The following DNAH14 variants were observed in gnomAD, a reference collection of about 807,000 sequenced individuals.
The protein encoded by DNAH14 is dynein axonemal heavy chain 14.
A neutral mutation model predicts 520.9 loss-of-function variants in DNAH14; 478 were observed. That is an observed-to-expected ratio of 0.92 (90% confidence interval 0.85 to 0.99). DNAH14 has a LOEUF of 0.99. Ranked by LOEUF, DNAH14 falls within the 50% of genes least tolerant of loss-of-function variation. DNAH14 has a pLI of 0.00. For missense variants in DNAH14, 4,831 were observed against 5,234.5 expected (o/e 0.92, Z 2.38); for synonymous variants, 1,581 against 1,757.2 (o/e 0.90, Z 2.51).
At chr1:225,360,349 C>T (rs2095479018) in intron 74 of DNAH14, among the ~76,000 whole-genome samples, 1 of 152,178 alleles carries the variant, frequency 6.6e-6, no homozygotes, top group Non-Finnish European at 1.5e-5. Flanking sequence ...AACCTAGATG[C>T]CCACAGAAGT....
Position 225,335,375 on chromosome 1 carries a change from GTGTA to G in DNAH14, c.10080+1871_10080+1874del, listed in dbSNP as rs1172285745. Among the ~76,000 whole-genome samples the G allele has an allele frequency of 8.1e-3, 677 of 83,174 alleles. 139 individuals are homozygous for G. In the East Asian group the frequency reaches 0.11, roughly 13 times the overall value. 54.6% of individuals were successfully genotyped at this position (83,174 alleles called of 152,430 possible). On this transcript the variant is annotated intron_variant, in intron 66 of 85. Transcript: ENST00000682510. ...TATGCATATACACGTGTACATGTGT[GTGTA>G]TATGCACATATACACATGTGTACAT...
rs534122908 is a variant in DNAH14, at chr1:225,081,190, T to C, written c.3136+442T>C. Among the ~76,000 whole-genome samples, 19 of 152,330 alleles carry C rather than the reference T, an allele frequency of 1.2e-4. 1 individual carries two copies. Among genetic ancestry groups the C allele is most frequent in the African/African-American group, 4.6e-4 (19 of 41,584 alleles). On this transcript the variant is annotated intron_variant, in intron 19 of 85. Coordinates refer to ENST00000682510, the MANE Select transcript of DNAH14 (RefSeq NM_001367479.1). ...TGCCAATGCAAAGATACTGTTTTTG[T>C]GAGAGCATTTCTATAAGATCAAATC...
At chr1:225,094,647 T>G (rs1179377105) in intron 21 of DNAH14, among the ~76,000 whole-genome samples, 2 of 128,258 alleles carry the variant, frequency 1.6e-5, no homozygotes, top group Non-Finnish European at 3.3e-5. Flanking sequence ...CTAGAAAGCT[T>G]CTGCACAGCA....
At chr1:225,198,281 G>A (rs910862071) in intron 38 of DNAH14, among the ~76,000 whole-genome samples, 4 of 151,210 alleles carry the variant, frequency 2.6e-5, no homozygotes, top group African/African-American at 4.9e-5. Context: ...GCAGTGGTGC[G>A]ATCTTGGCTC....
chr1:225,164,007 T>G (rs575533354), intron 35 of DNAH14, among the ~76,000 whole-genome samples: 2 of 152,248 alleles, frequency 1.3e-5, no homozygotes, highest in African/African-American at 4.8e-5. Flanking sequence ...AAATAATATG[T>G]TCTGTGCCTA....
intron 27 of DNAH14, among the ~76,000 whole-genome samples, chr1:225,132,313 G>A (rs956036909): frequency 1.6e-4 from 24 of 152,044 alleles, no homozygotes; most frequent in African/African-American, 5.8e-4. Flanking sequence ...CGTCACCTAG[G>A]TATTAAGCCC....
intron 15 of DNAH14, 103 bp downstream of exon 15, chr1:225,044,086 A>G: frequency 1.5e-6 from 1 of 646,414 alleles, no homozygotes; most frequent in Non-Finnish European, 2.6e-6. Context: ...CAGATGTTAC[A>G]GAATATTAGT....
rs557250550 is a variant in DNAH14 at position 225,290,613 on chromosome 1, A to G, written c.8469+531A>G. On this transcript the variant is annotated intron_variant, in intron 55 of 85. Coordinates refer to ENST00000682510, the MANE Select transcript of DNAH14 (RefSeq NM_001367479.1). ...TATATATATGTGTGTGTGTGTGTGT[A>G]TGTGTGTGTATAGATATATGTGTGT... Among the ~76,000 whole-genome samples the G allele has an allele frequency of 3.4e-3, 371 of 110,196 alleles. 3 individuals are homozygous for G. The highest frequency in any genetic ancestry group is 0.03 in the East Asian group (92 of 3,096). The allele number at this position is 110,196 out of a possible 152,430, so 72.3% of individuals were successfully genotyped here. A position where few individuals can be genotyped will look rare whatever the true frequency, so the allele number is the denominator to read the frequency against.
chr1:225,366,853 CTCTT>C (rs1345445639), intron 76 of DNAH14, among the ~76,000 whole-genome samples: 1 of 152,068 alleles, frequency 6.6e-6, no homozygotes, highest in South Asian at 2.1e-4. Flanking sequence ...AAGTCTGTCT[CTCTT>C]TCTCTATCTC....
intron 26 of DNAH14, among the ~76,000 whole-genome samples, chr1:225,119,949 C>T (rs1274877853): frequency 6.6e-6 from 1 of 152,178 alleles, no homozygotes; most frequent in Non-Finnish European, 1.5e-5. Context: ...AATAACCATT[C>T]TGGCTCTCCT....
At chr1:225,089,442 CAAAAAAAAAAAA>C (rs1169182387) in intron 21 of DNAH14, among the ~76,000 whole-genome samples, 2 of 29,912 alleles carry the variant, frequency 6.7e-5, no homozygotes, top group South Asian at 1.4e-3. Context: ...AAAACTCCGT[CAAAAAAAAAAAA>C]AAAAAAAAAA....
intron 36 of DNAH14, among the ~76,000 whole-genome samples, chr1:225,184,043 C>G (rs962252065): frequency 1.3e-5 from 2 of 152,030 alleles, no homozygotes; most frequent in African/African-American, 4.8e-5. Context: ...AATAAAAAAT[C>G]AAGTAGGGAT....
intron 81 of DNAH14, among the ~76,000 whole-genome samples, chr1:225,384,720 A>T (rs955380855): frequency 4.6e-5 from 7 of 152,202 alleles, no homozygotes; most frequent in African/African-American, 1.7e-4. Context: ...AGGTTCTGAA[A>T]TTGAGGCAAT....
chr1:225,164,505 T>C (rs1573625234), intron 35 of DNAH14, among the ~76,000 whole-genome samples: 1 of 152,200 alleles, frequency 6.6e-6, no homozygotes, highest in African/African-American at 2.4e-5. Flanking sequence ...TTCTATACAA[T>C]GTATCCTGTT....
chr1:225,089,925 T>C (rs1304695891), intron 21 of DNAH14, among the ~76,000 whole-genome samples: 1 of 152,182 alleles, frequency 6.6e-6, no homozygotes, highest in Non-Finnish European at 1.5e-5. Context: ...CCCTTACCAA[T>C]TCTATTCTAC....
intron 8 of DNAH14, among the ~76,000 whole-genome samples, chr1:224,979,345 TG>T (rs898121804): frequency 2.6e-5 from 4 of 152,120 alleles, no homozygotes; most frequent in Non-Finnish European, 2.9e-5. Flanking sequence ...GCAGTGCTTG[TG>T]GGACTGTTCA....
intron 60 of DNAH14, among the ~76,000 whole-genome samples, chr1:225,309,843 A>C (rs2094323550): frequency 6.6e-6 from 1 of 152,136 alleles, no homozygotes; most frequent in East Asian, 1.9e-4. Flanking sequence ...CAGTGAGCCA[A>C]GATGGCGCCA....
At chr1:225,031,594 A>T (rs1213975724) in intron 11 of DNAH14, among the ~76,000 whole-genome samples, 1 of 152,086 alleles carries the variant, frequency 6.6e-6, no homozygotes, top group East Asian at 1.9e-4. Context: ...TTAAAAGAAT[A>T]AAAAAATCGA....
At chr1:225,272,127 C>T in intron 51 of DNAH14, 54 bp downstream of exon 51, 2 of 1,458,706 alleles carry the variant, frequency 1.4e-6, no homozygotes, top group African/African-American at 1.4e-5. Flanking sequence ...GTTGCTCTCT[C>T]TCATACTGTC....
Sources: allele counts gnomAD v4.1 joint callset (sites outside exome capture counted in the v4.1 genomes callset), GRCh38; gene constraint gnomAD v4.1.1; transcripts MANE v1.5; gene names NCBI Gene and HGNC (gene_info 2026-07-23, HGNC 2026-07-21).